The following SECISBP2 variants were observed in gnomAD, a reference collection of about 807,000 sequenced individuals.
The protein encoded by SECISBP2 is SECIS binding protein 2, also known as selenocysteine insertion sequence-binding protein 2.
A neutral mutation model predicts 98.2 loss-of-function variants in SECISBP2; 96 were observed. The ratio of observed to expected loss-of-function variants is 0.98; its 90% CI spans 0.83 to 1.16. The LOEUF (loss-of-function observed/expected upper bound fraction) is 1.16, where lower values mean the gene tolerates loss of function less well. Among genes scored for constraint, SECISBP2 ranks in the 50% most tolerant of loss-of-function variants. The pLI, the probability that SECISBP2 is intolerant of heterozygous loss-of-function variation, is 0.00. For missense variants in SECISBP2, 1,046 were observed against 1,022.9 expected, an observed-to-expected ratio of 1.02 and a Z score of -0.31; for synonymous variants, 407 against 370.2, an observed-to-expected ratio of 1.10 and a Z score of -1.14.
chr9:89,357,554 G>T lies in SECISBP2; in HGVS notation c.2257G>T (p.Asp753Tyr). The T allele has an allele frequency of 6.2e-7, 1 of 1,613,756 alleles. No homozygotes were observed. The stretch of plus-strand genomic sequence containing the variant: ...CAGTGTGGTGGGGATCTTCAGCTAT[G>T]ATGGGGCCCAGGTGAGTGCACAGGG... ...PVSVVGIFSY[D>Y]GAQDQFHKMV... Residue 753 changes from aspartate to tyrosine, a missense_variant, in exon 15 of 17, where the codon GAT becomes TAT. By Grantham distance (160) the Asp-to-Tyr change is radical (BLOSUM62 -3). Coordinates refer to ENST00000375807, the MANE Select transcript of SECISBP2 (RefSeq NM_024077.5).
intron 1 of SECISBP2, chr9:89,318,965 T>A: frequency 9.0e-7 from 1 of 1,112,726 alleles, no homozygotes; most frequent in Non-Finnish European, 1.1e-6. Flanking sequence ...GATCCTGCGT[T>A]TTTCTGAACG....
chr9:89,326,098 C>T, intron 4 of SECISBP2, 60 bp downstream of exon 4: 2 of 1,579,972 alleles, frequency 1.3e-6, no homozygotes, highest in East Asian at 2.2e-5. Flanking sequence ...CAGAAACATT[C>T]CTGCTATGTA....
At chr9:89,332,753 T>C in intron 5 of SECISBP2, 155 bp from the exon 6 acceptor site, 2 of 679,392 alleles carry the variant, frequency 2.9e-6, no homozygotes, top group East Asian at 2.7e-5. Flanking sequence ...TGCTAAACTA[T>C]TAAATATCTC....
At position 89,350,764 on chromosome 9, in the gene SECISBP2, G is replaced by A. The variant is rs373699128; in HGVS notation, c.2025G>A (p.Leu675=). The A allele has an allele frequency of 1.2e-6, 2 of 1,614,072 alleles. No homozygotes were observed. Among genetic ancestry groups the A allele is most frequent in the Non-Finnish European group, 1.7e-6 (2 of 1,180,044 alleles). The change falls in exon 14 of 17, where the codon TTG becomes TTA. Residue 675 remains leucine (L), a synonymous_variant. Coordinates refer to ENST00000375807, the MANE Select transcript of SECISBP2 (RefSeq NM_024077.5). ...CCAAGACTAAACGTCGACTTGTGTT[G>A]GGGTTGAGGGAGGTTCTCAAACACC... ...VKAKTKRRLV[L]GLREVLKHLK...
At chr9:89,319,882 G>A in intron 2 of SECISBP2, 85 bp downstream of exon 2, 7 of 1,375,986 alleles carry the variant, frequency 5.1e-6, no homozygotes, top group Middle Eastern at 2.3e-4. Context: ...AGCAGTTACT[G>A]CACTAAAGTT....
In SECISBP2 at chr9:89,333,009, T is replaced by G. The variant is rs73654762; in HGVS notation, c.880+23T>G. Reference sequence around the variant, plus strand: ...GAGGTAAAAGTGGCTGCAAAAATGTTAATTTTTAAAATGTCATAGATTTTT... The same window carrying G: ...GAGGTAAAAGTGGCTGCAAAAATGTGAATTTTTAAAATGTCATAGATTTTT... On this transcript the variant is annotated intron_variant, in intron 6 of 16. Coordinates refer to ENST00000375807, the MANE Select transcript of SECISBP2 (RefSeq NM_024077.5). The G allele has an allele frequency of 2.3e-3, 3,689 of 1,592,322 alleles. 65 individuals carry two copies. In the African/African-American group the frequency reaches 0.043, roughly 19 times the overall value.
At position 89,328,724 on chromosome 9, in the gene SECISBP2, A is replaced by G. The variant is rs772908356; in HGVS notation, c.639A>G (p.Lys213=). Residue 213 remains lysine (K), a synonymous_variant, in exon 5 of 17, where the codon AAA becomes AAG. Coordinates refer to ENST00000375807, the MANE Select transcript of SECISBP2 (RefSeq NM_024077.5). The part of the protein sequence containing the change: ...RIIAKNVSTS[K]PEFEFTTLDF... ...TTGCAAAAAATGTATCTACCTCCAA[A>G]CCTGAGTTTGAATTTACCACACTGG... is the stretch of plus-strand genomic sequence containing the variant. 6.2e-7 allele frequency: 1 copy of G among 1,614,150 alleles called. No homozygotes were observed. The highest frequency in any genetic ancestry group is 8.5e-7 in the Non-Finnish European group (1 of 1,180,030).
rs779232349 is a variant in SECISBP2, at chr9:89,349,887, A to G, written c.1850A>G (p.Asn617Ser). The G allele has an allele frequency of 3.7e-6, 6 of 1,614,088 alleles. No homozygotes were observed. The highest frequency in any genetic ancestry group is 3.3e-5 in the South Asian group (3 of 91,090). Reference sequence around the variant, plus strand: ...ACAGAGGCCTCCCACCTTGCTCCCAATCACACCACCTTCCCTAAGATCCAC... The same window carrying G: ...ACAGAGGCCTCCCACCTTGCTCCCAGTCACACCACCTTCCCTAAGATCCAC... ...RDTEASHLAP[N>S]HTTFPKIHSR... is the part of the protein sequence containing the mutation. The change falls in exon 13 of 17, where the codon AAT becomes AGT. Residue 617 changes from asparagine (N) to serine (S), a missense_variant. Transcript: ENST00000375807.
rs1331508373 is a variant in SECISBP2, at chr9:89,325,467, A to G, written c.223A>G (p.Thr75Ala). The G allele has an allele frequency of 3.7e-6, 6 of 1,613,778 alleles. No homozygotes were observed. The highest frequency in any genetic ancestry group is 1.3e-5 in the African/African-American group (1 of 74,828). Residue 75 changes from threonine (T) to alanine (A), a missense_variant, in exon 3 of 17, where the codon ACT (threonine) becomes GCT (alanine). Thr to Ala is a moderately conservative substitution (Grantham distance 58). Transcript: ENST00000375807. ...TGAAGACATGGCCTTTGGAGCTTCAACTTTTCCACCTCAGTATTTATCTTC... is the reference window on the plus strand; with the variant it reads ...TGAAGACATGGCCTTTGGAGCTTCAGCTTTTCCACCTCAGTATTTATCTTC... ...YTEDMAFGAS[T>A]FPPQYLSSEI... is the part of the protein sequence containing the mutation.
chr9:89,355,038 C>A (rs1430676130), intron 14 of SECISBP2: 1 of 985,360 alleles, frequency 1.0e-6, no homozygotes, highest in Non-Finnish European at 1.2e-6. Flanking sequence ...TTTGCAAATG[C>A]TTTGGGTAGA....
intron 4 of SECISBP2, among the ~76,000 whole-genome samples, chr9:89,328,074 T>G (rs1329631124): frequency 6.6e-6 from 1 of 152,242 alleles, no homozygotes; most frequent in Non-Finnish European, 1.5e-5. Context: ...GTGCTGGGAT[T>G]AAGGCGTGAG....
intron 10 of SECISBP2, among the ~76,000 whole-genome samples, chr9:89,346,508 T>C (rs937249857): frequency 6.6e-6 from 1 of 152,126 alleles, no homozygotes; most frequent in Non-Finnish European, 1.5e-5. Flanking sequence ...GAGGGACGTG[T>C]TCACAGTAGC....
chr9:89,347,919 G>A (rs1689559655), intron 11 of SECISBP2, among the ~76,000 whole-genome samples, 160 bp from the exon 12 acceptor site: 2 of 152,184 alleles, frequency 1.3e-5, no homozygotes, highest in Admixed American at 6.5e-5. Context: ...CAGCGGGGAG[G>A]GTTGGGTGAG....
chr9:89,353,224 G>T (rs774789641), intron 14 of SECISBP2, among the ~76,000 whole-genome samples: 2 of 152,194 alleles, frequency 1.3e-5, no homozygotes, highest in African/African-American at 2.4e-5. Flanking sequence ...GTTCCCAGGT[G>T]CTGTTGCTGC....
intron 1 of SECISBP2, chr9:89,318,875 G>C: frequency 3.2e-6 from 4 of 1,251,558 alleles, no homozygotes; most frequent in Non-Finnish European, 4.0e-6. Flanking sequence ...CTGCGGCCCA[G>C]CCCGGCGCTC....
downstream of SECISBP2, chr9:89,362,457 T>G: frequency 1.2e-6 from 2 of 1,614,008 alleles, no homozygotes; most frequent in Non-Finnish European, 1.7e-6. Context: ...CTTTGAATCC[T>G]TGGTGGAACG....
chr9:89,341,475 C>A lies in SECISBP2; in HGVS notation c.1431C>A (p.Val477=). The A allele has an allele frequency of 6.2e-7, 1 of 1,614,100 alleles. No homozygotes were observed. The highest frequency in any genetic ancestry group is 8.5e-7 in the Non-Finnish European group (1 of 1,179,996). ...HAKQSSKPVV[V]SVGAVPVLSK... The stretch of plus-strand genomic sequence containing the variant: ...AGCAGTCCTCCAAACCAGTGGTAGT[C>A]TCAGGTAAGAGAGTCTTTCCATCTC... Residue 477 remains valine, a synonymous_variant, in exon 10 of 17, where the codon GTC becomes GTA. Coordinates refer to ENST00000375807, the MANE Select transcript of SECISBP2 (RefSeq NM_024077.5).
intron 4 of SECISBP2, among the ~76,000 whole-genome samples, chr9:89,327,293 G>T (rs1308897202): frequency 6.6e-6 from 1 of 152,220 alleles, no homozygotes; most frequent in Non-Finnish European, 1.5e-5. Flanking sequence ...GGCCTAGGGT[G>T]TTACTGTACA....
chr9:89,319,679 C>T lies in SECISBP2; in HGVS notation c.64C>T (p.Pro22Ser), dbSNP rs777761547. The T allele has an allele frequency of 1.4e-5, 22 of 1,614,058 alleles. No homozygotes were observed. The South Asian group carries it at 2.3e-4, about 17-fold the overall frequency. ...CATCAAGTTATCAGCAGATGTCAAA[C>T]CATTTGTCCCCAGATTTGCCGGGCT... ...EGIKLSADVK[P>S]FVPRFAGLNV... Residue 22 changes from proline (P) to serine (S), a missense_variant, in exon 2 of 17, where the codon CCA becomes TCA. Transcript: ENST00000375807.
Sources: gnomAD v4.1 joint callset for allele counts (sites outside exome capture counted in the v4.1 genomes callset) on GRCh38, gnomAD v4.1.1 for gene constraint, MANE v1.5 for transcripts, NCBI Gene and HGNC (gene_info 2026-07-23, HGNC 2026-07-21) for gene names.